Variants in SRSF1 observed in about 807,000 individuals in gnomAD.
SRSF1 encodes the protein serine and arginine rich splicing factor 1, also known as serine/arginine-rich splicing factor 1.
Under a neutral mutation model 25.9 loss-of-function variants are expected in SRSF1, and 1 was observed. That is an observed-to-expected ratio of 0.04 (90% CI 0.01 to 0.18). The LOEUF is 0.18. SRSF1 is among the 10% of genes least tolerant of loss of function. The probability of loss-of-function intolerance (pLI) is 1.00; values close to 1 mark genes in which losing one functional copy is unlikely to be tolerated. For missense variants in SRSF1, 65 were observed against 350.5 expected (o/e 0.19, Z 6.50); for synonymous variants, 132 against 126.2 (o/e 1.05, Z -0.31).
chr17:58,004,608 A>G lies in SRSF1; in HGVS notation c.*798T>C, dbSNP rs1422798234. The stretch of plus-strand genomic sequence containing the variant: ...GGATTTAAAAACACCCTGTACCCAC[A>G]TGTACACCAACAGCAGGTCACACAT... On this transcript the variant is annotated 3_prime_UTR_variant, in exon 4 of 4. Transcript: ENST00000258962. The G allele has an allele frequency of 5.1e-6, 1 of 195,740 alleles. No individual in the cohort carries two copies. Among genetic ancestry groups the G allele is most frequent in the Non-Finnish European group, 1.0e-5 (1 of 97,046 alleles). 12.1% of individuals were successfully genotyped at this position (195,740 alleles called of 1,614,324 possible).
chr17:58,002,541 T>A lies in SRSF1; in HGVS notation c.*2865A>T, dbSNP rs532848051. On this transcript the variant is annotated 3_prime_UTR_variant, in exon 4 of 4. Coordinates refer to ENST00000258962, the MANE Select transcript of SRSF1 (RefSeq NM_006924.5). ...AATACAAGAAGTAGCAGGCTAAAAG[T>A]TTTTAACTGCTTTGGTAGAGAACAC... Among the ~76,000 whole-genome samples the A allele has an allele frequency of 7.9e-5, 12 of 152,316 alleles. No homozygotes were observed. Among genetic ancestry groups the A allele is most frequent in the African/African-American group, 2.9e-4 (12 of 41,560 alleles).
At chr17:58,000,332 G>A (rs1160837714), downstream of SRSF1, among the ~76,000 whole-genome samples, 1 of 152,098 alleles carries the variant, frequency 6.6e-6, no homozygotes, top group Non-Finnish European at 1.5e-5. Context: ...ACTTTTGGCA[G>A]CATTACTATT....
At chr17:57,996,641 C>T (rs559375990), downstream of SRSF1, among the ~76,000 whole-genome samples, 4 of 152,132 alleles carry the variant, frequency 2.6e-5, no homozygotes, top group East Asian at 3.9e-4. Context: ...TAAGAAACAA[C>T]GCAATTAGTT....
At chr17:57,998,042 C>T (rs1384876558), downstream of SRSF1, among the ~76,000 whole-genome samples, 1 of 152,070 alleles carries the variant, frequency 6.6e-6, no homozygotes, top group African/African-American at 2.4e-5. Flanking sequence ...ATAGTGAAAC[C>T]CTGTCTCTAT....
intron 1 of SRSF1, 158 bp downstream of exon 1, chr17:58,006,786 T>A (rs1360924083): frequency 2.0e-6 from 2 of 985,864 alleles, no homozygotes; most frequent in Non-Finnish European, 3.0e-6. Flanking sequence ...AGAAGCCACA[T>A]CAACTCAGCT....
At chr17:57,990,029 G>A in the SRSF1 span, 3 of 327,338 alleles carry the variant, frequency 9.2e-6, no homozygotes, top group African/African-American at 4.2e-5. Context: ...TCTCTGTGAT[G>A]CACTCCAGAG....
rs1157881682 is a variant in SRSF1, at chr17:58,002,518, T to C, written c.*2888A>G. Among the ~76,000 whole-genome samples the C allele has an allele frequency of 1.3e-5, 2 of 152,268 alleles. No individual in the cohort carries two copies. The highest frequency in any genetic ancestry group is 2.9e-5 in the Non-Finnish European group (2 of 68,008). ...TACCAAGGGGCTGTCAGTAGACAAA[T>C]ACAAGAAGTAGCAGGCTAAAAGTTT... On this transcript the variant is annotated 3_prime_UTR_variant, in exon 4 of 4. Coordinates refer to ENST00000258962, the MANE Select transcript of SRSF1 (RefSeq NM_006924.5).
rs1567748754 is a variant in SRSF1, at chr17:58,005,436, G to C, written c.717C>G (p.Pro239=). The change falls in exon 4 of 4, where the codon CCC becomes CCG. Residue 239 remains proline, a synonymous_variant. Transcript: ENST00000258962. This position sits in a 1 kb window ranked among gnomAD's most constrained non-coding sequence, Gnocchi z 5.2. ...RRSRGSPRYS[P]RHSRSRSRT ...TACGAGAGCGAGATCTGCTATGACG[G>C]GGAGAATAGCGTGGTGATCCTCTGC... 1 of 1,614,156 alleles carries C rather than the reference G, an allele frequency of 6.2e-7. No homozygotes were observed. The highest frequency in any genetic ancestry group is 1.3e-5 in the African/African-American group (1 of 75,028).
In SRSF1 at chr17:58,005,580, C is replaced by T. The variant is rs1321037482; in HGVS notation, c.573G>A (p.Arg191=). The change falls in exon 4 of 4, where the codon CGG becomes CGA. Residue 191 remains arginine (R), a synonymous_variant. Coordinates refer to ENST00000258962, the MANE Select transcript of SRSF1 (RefSeq NM_006924.5). This position sits in a 1 kb window ranked among gnomAD's most constrained non-coding sequence, Gnocchi z 5.2. ...GACTTCTGGGCCCATCAACTTTAAC[C>T]CGGATGTAGGCAGTTTCTCCCTATT... is the stretch of plus-strand genomic sequence containing the variant. The part of the protein sequence containing the change: ...RSHEGETAYI[R]VKVDGPRSPS... The T allele has an allele frequency of 1.1e-5, 17 of 1,614,028 alleles. No individual in the cohort carries two copies. The highest frequency in any genetic ancestry group is 1.7e-5 in the Admixed American group (1 of 59,986).
At chr17:57,998,654 C>T (rs1404339044), downstream of SRSF1, among the ~76,000 whole-genome samples, 1 of 152,210 alleles carries the variant, frequency 6.6e-6, no homozygotes, top group Non-Finnish European at 1.5e-5. Context: ...GCCCTTTCAG[C>T]TGTCAATCCA....
At position 58,004,551 on chromosome 17, in the gene SRSF1, T is replaced by A. The variant is rs184230752; in HGVS notation, c.*855A>T. 4.4e-5 allele frequency: 7 copies of A among 158,510 alleles called. No individual in the cohort carries two copies. The highest frequency in any genetic ancestry group is 8.3e-5 in the Non-Finnish European group (6 of 72,248). The allele number at this position is 158,510 out of a possible 1,614,324, so 9.8% of individuals were successfully genotyped here. On this transcript the variant is annotated 3_prime_UTR_variant, in exon 4 of 4. Coordinates refer to ENST00000258962, the MANE Select transcript of SRSF1 (RefSeq NM_006924.5). ...TCAGTCACACAGAGGACATGCAGAT[T>A]TAGCAGTATTGATATTATACTCTAT...
At chr17:57,994,887 G>A in the SRSF1 span, 1 of 152,198 alleles carries the variant, frequency 6.6e-6, no homozygotes, top group Non-Finnish European at 1.5e-5. Flanking sequence ...CCTACTAAAT[G>A]CCAGGAGCTG....
rs573782465 is a variant in SRSF1, at chr17:58,003,557, T to C, written c.*1849A>G. The stretch of plus-strand genomic sequence containing the variant: ...CAATAGCCAATTGGAAACCTACTTA[T>C]TCTTCAACTCCAATTTTGTTTTCTT... On this transcript the variant is annotated 3_prime_UTR_variant, in exon 4 of 4. Coordinates refer to ENST00000258962, the MANE Select transcript of SRSF1 (RefSeq NM_006924.5). The C allele has an allele frequency of 6.6e-6, 1 of 152,342 alleles. No homozygotes were observed. The highest frequency in any genetic ancestry group is 2.4e-5 in the African/African-American group (1 of 41,582). 9.4% of individuals were successfully genotyped at this position (152,342 alleles called of 1,614,324 possible).
chr17:57,995,448 G>A, the SRSF1 span, among the ~76,000 whole-genome samples: 1 of 152,200 alleles, frequency 6.6e-6, no homozygotes. Context: ...GGGCTTCTCT[G>A]AGAGAGCTGG....
At chr17:58,000,818 T>C (rs867648237), downstream of SRSF1, among the ~76,000 whole-genome samples, 1 of 152,126 alleles carries the variant, frequency 6.6e-6, no homozygotes, top group Non-Finnish European at 1.5e-5. Context: ...ATACCCTGTA[T>C]TACATAAAAC....
chr17:57,996,483 T>A (rs1211773921), downstream of SRSF1, among the ~76,000 whole-genome samples: 3 of 72,386 alleles, frequency 4.1e-5, no homozygotes, highest in African/African-American at 5.6e-5. Flanking sequence ...GACACTGTCT[T>A]AAAAAAAAAA....
Position 58,002,072 on chromosome 17 carries a change from T to C in SRSF1, c.*3334A>G, listed in dbSNP as rs1198722611. Among the ~76,000 whole-genome samples, 3 of 152,196 alleles carry C rather than the reference T, an allele frequency of 2.0e-5. No homozygotes were observed. The highest frequency in any genetic ancestry group is 6.5e-5 in the Admixed American group (1 of 15,280). On this transcript the variant is annotated 3_prime_UTR_variant, in exon 4 of 4. Transcript: ENST00000258962. ...CACATTAACCTTCCAAAATTATCATTAATCATTTATTTTCCCTTTAATAAT... is the reference window on the plus strand; with the variant it reads ...CACATTAACCTTCCAAAATTATCATCAATCATTTATTTTCCCTTTAATAAT...
downstream of SRSF1, among the ~76,000 whole-genome samples, chr17:57,998,915 G>A (rs1280428597): frequency 6.6e-6 from 1 of 152,146 alleles, no homozygotes; most frequent in Non-Finnish European, 1.5e-5. Context: ...GGGCCTAAAA[G>A]GTTTAGTATT....
At chr17:57,997,633 C>T (rs1009241728), downstream of SRSF1, among the ~76,000 whole-genome samples, 2 of 152,144 alleles carry the variant, frequency 1.3e-5, no homozygotes, top group African/African-American at 4.8e-5. Context: ...GTCACTGAAA[C>T]CAGCTTTAAC....
Sources: gnomAD v4.1 joint callset for allele counts (sites outside exome capture counted in the v4.1 genomes callset) on GRCh38, gnomAD v4.1.1 for gene constraint, Gnocchi (gnomAD v3.1) non-coding constraint, MANE v1.5 for transcripts, NCBI Gene and HGNC (gene_info 2026-07-23, HGNC 2026-07-21) for gene names.